Variants in TBCK observed in about 807,000 individuals in gnomAD.
TBCK encodes the protein TBC1 domain containing kinase, also known as TBC domain-containing protein kinase-like protein.
TBCK carries 99 observed loss-of-function variants against 113.4 expected under a neutral mutation model. The ratio of observed to expected loss-of-function variants is 0.87; its 90% CI spans 0.74 to 1.03. The LOEUF (loss-of-function observed/expected upper bound fraction) is 1.03. TBCK is among the 50% of genes least tolerant of loss of function. TBCK has a pLI of 0.00. For missense variants in TBCK, 1,045 were observed against 1,061.3 expected, an observed-to-expected ratio of 0.98 and a Z score of 0.21; for synonymous variants, 369 against 370.8, an observed-to-expected ratio of 1.00 and a Z score of 0.05.
At chr4:106,272,757 A>G (rs1763634519) in intron 3 of TBCK, among the ~76,000 whole-genome samples, 1 of 152,030 alleles carries the variant, frequency 6.6e-6, no homozygotes, top group South Asian at 2.1e-4. Context: ...GGCCTCCCAC[A>G]GTGCTGGGAT....
intron 22 of TBCK, among the ~76,000 whole-genome samples, chr4:106,187,399 C>A (rs1006443011): frequency 6.6e-6 from 1 of 151,428 alleles, no homozygotes; most frequent in African/African-American, 2.4e-5. Context: ...TTGTTTGTGT[C>A]ATCTATGATT....
chr4:106,093,536 G>A (rs1032268302), intron 25 of TBCK, among the ~76,000 whole-genome samples: 2 of 152,090 alleles, frequency 1.3e-5, no homozygotes, highest in Admixed American at 6.6e-5. Context: ...AGTTAATGCT[G>A]CTATCAGTCC....
intron 6 of TBCK, chr4:106,251,231 G>A (rs1761392188): frequency 8.6e-6 from 2 of 233,426 alleles, no homozygotes; most frequent in Non-Finnish European, 1.8e-5. Flanking sequence ...ATATACCACA[G>A]GTTATGGTGA....
chr4:106,185,108 A>T (rs573469900), intron 22 of TBCK, among the ~76,000 whole-genome samples: 1 of 152,222 alleles, frequency 6.6e-6, no homozygotes, highest in South Asian at 2.1e-4. Context: ...CCTTGTTCCA[A>T]GTTCAATAAG....
At position 106,212,919 on chromosome 4, in the gene TBCK, T is replaced by C. The variant is rs182657118; in HGVS notation, c.1775-84A>G. ...ATTCAAATATAGTTTTATTTATACA[T>C]TGAATGAGATTTAATTTCTCCATGA... is the stretch of plus-strand genomic sequence containing the variant. On this transcript the variant is annotated intron_variant, in intron 19 of 25. Transcript: ENST00000394708. 3.1e-4 allele frequency: 266 copies of C among 857,506 alleles called. 1 individual carries two copies. The East Asian group carries it at 5.1e-3, about 16-fold the overall frequency. 53.1% of individuals were successfully genotyped at this position (857,506 alleles called of 1,614,324 possible).
At chr4:106,078,482 T>C (rs760542730) in intron 25 of TBCK, among the ~76,000 whole-genome samples, 1 of 152,022 alleles carries the variant, frequency 6.6e-6, no homozygotes, top group Non-Finnish European at 1.5e-5. Context: ...AATACAAAAG[T>C]TCACCAGAGA....
intron 3 of TBCK, among the ~76,000 whole-genome samples, chr4:106,262,947 C>T (rs1361570765): frequency 1.3e-5 from 2 of 151,948 alleles, no homozygotes; most frequent in Non-Finnish European, 2.9e-5. Flanking sequence ...TTTATTATTA[C>T]ACTTTATAAA....
intron 1 of TBCK, among the ~76,000 whole-genome samples, chr4:106,313,506 A>T (rs1296471020): frequency 6.6e-6 from 1 of 152,280 alleles, no homozygotes; most frequent in African/African-American, 2.4e-5. Context: ...AACATTAAAA[A>T]ATAAAATTAC....
At chr4:106,251,132 C>T in intron 6 of TBCK, 1 of 395,970 alleles carries the variant, frequency 2.5e-6, no homozygotes, top group Non-Finnish European at 5.1e-6. Flanking sequence ...ACTCTTCCAC[C>T]ATCAAATAGT....
intron 20 of TBCK, among the ~76,000 whole-genome samples, chr4:106,199,869 T>C (rs1038703355): frequency 1.3e-5 from 2 of 152,166 alleles, no homozygotes; most frequent in African/African-American, 4.8e-5. Flanking sequence ...GTTTCCTAGA[T>C]TCCATTCTTG....
chr4:106,168,677 T>C (rs1324309473), intron 23 of TBCK, among the ~76,000 whole-genome samples: 1 of 151,848 alleles, frequency 6.6e-6, no homozygotes, highest in African/African-American at 2.4e-5. Context: ...GTCAAACGCT[T>C]TCCTGTATAC....
intron 23 of TBCK, among the ~76,000 whole-genome samples, chr4:106,126,861 A>T (rs1560689417): frequency 6.6e-6 from 1 of 152,180 alleles, no homozygotes. Flanking sequence ...CAACTGAAAA[A>T]CTGGAGATGA....
chr4:106,283,102 T>G (rs1238015223), intron 3 of TBCK, among the ~76,000 whole-genome samples: 1 of 152,132 alleles, frequency 6.6e-6, no homozygotes, highest in Non-Finnish European at 1.5e-5. Flanking sequence ...AAAATTCATT[T>G]GTTTGAGAAA....
At chr4:106,156,429 G>A (rs1209809570) in intron 23 of TBCK, among the ~76,000 whole-genome samples, 1 of 152,160 alleles carries the variant, frequency 6.6e-6, no homozygotes, top group Non-Finnish European at 1.5e-5. Flanking sequence ...TCATTAGGTG[G>A]TAAAGCCAGC....
At position 106,236,470 on chromosome 4, in the gene TBCK, C is replaced by A; in HGVS notation, c.1270G>T (p.Ala424Ser). Residue 424 changes from alanine to serine, a missense_variant, in exon 14 of 26, where the codon GCC (alanine) becomes TCC (serine). Transcript: ENST00000394708. ...SNSNNELSAA[A>S]TLPLIIREKD... ...TCTCTGATGATTAAAGGGAGCGTGG[C>A]AGCTGCAGACAACTCATTATTGCTG... 2.5e-6 allele frequency: 4 copies of A among 1,579,266 alleles called. No homozygotes were observed. The highest frequency in any genetic ancestry group is 3.4e-6 in the Non-Finnish European group (4 of 1,161,728).
rs553327398 is a variant in TBCK, at chr4:106,067,806, G to A, written c.2572-21126C>T. On this transcript the variant is annotated intron_variant, in intron 25 of 25. Coordinates refer to ENST00000394708, the MANE Select transcript of TBCK (RefSeq NM_001163435.3). ...TGTCAAATATCAATTTTCCATAGAC[G>A]TGAGGGTTTATTTCTGGGCTCTCAA... Among the ~76,000 whole-genome samples the A allele has an allele frequency of 3.9e-5, 6 of 152,164 alleles. No individual in the cohort carries two copies. The East Asian group carries it at 5.8e-4, about 15-fold the overall frequency.
At chr4:106,202,426 TA>T (rs1284894604) in intron 20 of TBCK, among the ~76,000 whole-genome samples, 1 of 152,038 alleles carries the variant, frequency 6.6e-6, no homozygotes, top group Non-Finnish European at 1.5e-5. Context: ...GTGCTAGCCA[TA>T]GTATTGCACC....
At chr4:106,309,251 A>AAAG (rs2125895970) in intron 1 of TBCK, among the ~76,000 whole-genome samples, 1 of 152,020 alleles carries the variant, frequency 6.6e-6, no homozygotes, top group South Asian at 2.1e-4. Context: ...TTGACAGTTT[A>AAAG]AAGAGTAGAG....
chr4:106,048,355 C>G (rs1421188386), intron 25 of TBCK, among the ~76,000 whole-genome samples: 1 of 152,028 alleles, frequency 6.6e-6, no homozygotes, highest in Non-Finnish European at 1.5e-5. Context: ...GAGATTCAAA[C>G]GGCTGTTCAT....
Sources: allele counts gnomAD v4.1 joint callset (sites outside exome capture counted in the v4.1 genomes callset), GRCh38; gene constraint gnomAD v4.1.1; transcripts MANE v1.5; gene names NCBI Gene and HGNC (gene_info 2026-07-23, HGNC 2026-07-21).